The following MCCC2 variants were observed in gnomAD, a reference collection of about 807,000 sequenced individuals.
MCCC2 encodes methylcrotonoyl-CoA carboxylase beta chain, mitochondrial.
A neutral mutation model predicts 77.2 loss-of-function variants in MCCC2; 52 were observed. That is an observed-to-expected ratio of 0.67 (90% CI 0.54 to 0.85). The LOEUF is 0.85. Among genes scored for constraint, MCCC2 ranks in the 40% least tolerant of loss-of-function variants. MCCC2 has a pLI of 0.00. For missense variants in MCCC2, 682 were observed against 703.2 expected, an observed-to-expected ratio of 0.97 and a Z score of 0.34; for synonymous variants, 253 against 248.4, an observed-to-expected ratio of 1.02 and a Z score of -0.18.
intron 6 of MCCC2, among the ~76,000 whole-genome samples, chr5:71,607,709 C>T (rs1351575050): frequency 6.7e-6 from 1 of 149,422 alleles, no homozygotes; most frequent in Non-Finnish European, 1.5e-5. Flanking sequence ...CTCTTGTGGG[C>T]ATTTAGTGCT....
intron 12 of MCCC2, among the ~76,000 whole-genome samples, chr5:71,644,879 G>T (rs1747235514): frequency 6.6e-6 from 1 of 151,914 alleles, no homozygotes; most frequent in Non-Finnish European, 1.5e-5. Flanking sequence ...ATGAGAACAA[G>T]AAATTAAAAG....
chr5:71,612,056 G>A (rs772411574), intron 6 of MCCC2, among the ~76,000 whole-genome samples: 11 of 151,920 alleles, frequency 7.2e-5, no homozygotes, highest in African/African-American at 1.7e-4. Context: ...CGCCCGCCTC[G>A]GCCTCCCAAA....
chr5:71,602,614 G>A lies in MCCC2; in HGVS notation c.492G>A (p.Arg164=). ...CCCAAGAAATTGCCATGCAAAACAGGCTCCCCTGCATCTACTTAGGCAAGT... is the reference window on the plus strand; with the variant it reads ...CCCAAGAAATTGCCATGCAAAACAGACTCCCCTGCATCTACTTAGGCAAGT... ...LRAQEIAMQN[R]LPCIYLVDSG... The change falls in exon 5 of 17, where the codon AGG becomes AGA. Residue 164 remains arginine, a synonymous_variant. Transcript: ENST00000340941. 1 of 1,614,104 alleles carries A rather than the reference G, an allele frequency of 6.2e-7. No individual in the cohort carries two copies. The highest frequency in any genetic ancestry group is 1.3e-5 in the African/African-American group (1 of 75,012).
intron 2 of MCCC2, among the ~76,000 whole-genome samples, chr5:71,593,585 C>T (rs466788): frequency 0.039 from 5,870 of 149,724 alleles, 156 homozygotes; most frequent in Middle Eastern, 0.06. Flanking sequence ...GAGATGGGTT[C>T]TTGCTCTATT....
At chr5:71,596,117 A>T (rs988500007) in intron 2 of MCCC2, among the ~76,000 whole-genome samples, 163 bp from the exon 3 acceptor site, 2 of 152,156 alleles carry the variant, frequency 1.3e-5, no homozygotes, top group Non-Finnish European at 2.9e-5. Context: ...TACTTCAGAA[A>T]ATTGGCAACT....
chr5:71,617,937 T>C (rs1035498345), intron 6 of MCCC2, among the ~76,000 whole-genome samples: 5 of 152,250 alleles, frequency 3.3e-5, no homozygotes, highest in African/African-American at 1.2e-4. Context: ...GGAGAAAAGA[T>C]AGTTAAACTA....
chr5:71,595,501 A>C (rs1464879026), intron 2 of MCCC2, among the ~76,000 whole-genome samples: 2 of 152,190 alleles, frequency 1.3e-5, no homozygotes, highest in African/African-American at 4.8e-5. Flanking sequence ...AAACAAAGAA[A>C]TAGCTTTCTG....
chr5:71,637,156 TC>T (rs1163761808), intron 10 of MCCC2, among the ~76,000 whole-genome samples: 3 of 152,170 alleles, frequency 2.0e-5, no homozygotes, highest in African/African-American at 7.2e-5. Flanking sequence ...CCCCCCTTCT[TC>T]CTAAGAAATT....
rs1287935396 is a variant in MCCC2, at chr5:71,649,097, G to A, written c.1217G>A (p.Gly406Glu). The change falls in exon 14 of 17, where the codon GGA becomes GAA. Residue 406 changes from glycine to glutamate, a missense_variant and splice_region_variant. Gly to Glu is a moderately conservative substitution (Grantham distance 98). Transcript: ENST00000340941. ...GCTCTCTTTCTGATCTTTCTCTCAG[G>A]ATTTATGGTTGGTAGAGAGTATGAA... ...IPLLFLQNIT[G>E]FMVGREYEAE... 1 of 1,614,228 alleles carries A rather than the reference G, an allele frequency of 6.2e-7. No individual in the cohort carries two copies. Among genetic ancestry groups the A allele is most frequent in the Non-Finnish European group, 8.5e-7 (1 of 1,180,040 alleles).
At chr5:71,627,968 C>T (rs1746587381) in intron 7 of MCCC2, among the ~76,000 whole-genome samples, 1 of 152,152 alleles carries the variant, frequency 6.6e-6, no homozygotes, top group Non-Finnish European at 1.5e-5. Flanking sequence ...CTCAGCCTCC[C>T]AAGTAGCTGG....
chr5:71,615,817 G>A (rs1450881406), intron 6 of MCCC2, among the ~76,000 whole-genome samples: 1 of 152,058 alleles, frequency 6.6e-6, no homozygotes, highest in Non-Finnish European at 1.5e-5. Context: ...CCCCATTCTT[G>A]TCACAGAGCT....
chr5:71,655,935 C>T (rs1181774838), intron 16 of MCCC2, among the ~76,000 whole-genome samples: 1 of 152,122 alleles, frequency 6.6e-6, no homozygotes, highest in Non-Finnish European at 1.5e-5. Flanking sequence ...CTGAAGCTGG[C>T]CGGGTGTGGT....
In MCCC2 at chr5:71,657,035, C is replaced by G; in HGVS notation, c.*175C>G. 3.6e-6 allele frequency: 2 copies of G among 561,240 alleles called. No individual in the cohort carries two copies. The highest frequency in any genetic ancestry group is 3.2e-6 in the Non-Finnish European group (1 of 314,656). The allele number at this position is 561,240 out of a possible 1,614,324, so 34.8% of individuals were successfully genotyped here. A position where few individuals can be genotyped will look rare whatever the true frequency, so the allele number is the denominator to read the frequency against. On this transcript the variant is annotated 3_prime_UTR_variant, in exon 17 of 17. Coordinates refer to ENST00000340941, the MANE Select transcript of MCCC2 (RefSeq NM_022132.5). ...GATATTTATTTAATGAACATCAATT[C>G]CTTTTAAATTTTCTTAGAGAAATTT...
In MCCC2 at chr5:71,610,995, A is replaced by G. The variant is rs373191781; in HGVS notation, c.624+6527A>G. ...GTGAGACTCCGTCTCAAACAAACAA[A>G]GAACAGGTTTTTAAAAGGAAAACAG... On this transcript the variant is annotated intron_variant, in intron 6 of 16. Transcript: ENST00000340941. Among the ~76,000 whole-genome samples, 15 of 152,210 alleles carry G rather than the reference A, an allele frequency of 9.9e-5. 1 individual carries two copies. Among genetic ancestry groups the G allele is most frequent in the African/African-American group, 3.6e-4 (15 of 41,564 alleles).
intron 3 of MCCC2, among the ~76,000 whole-genome samples, chr5:71,597,712 T>C (rs1421417462): frequency 6.6e-6 from 1 of 152,234 alleles, no homozygotes; most frequent in Non-Finnish European, 1.5e-5. Flanking sequence ...GAGACAGCAC[T>C]GTTAACACCT....
intron 16 of MCCC2, among the ~76,000 whole-genome samples, chr5:71,655,696 T>C (rs1335963567): frequency 6.6e-6 from 1 of 152,202 alleles, no homozygotes; most frequent in African/African-American, 2.4e-5. Flanking sequence ...CAGGTTCAGA[T>C]ACCGAAGGGA....
intron 6 of MCCC2, among the ~76,000 whole-genome samples, chr5:71,607,677 A>C (rs1408715647): frequency 3.4e-5 from 5 of 146,974 alleles, no homozygotes; most frequent in African/African-American, 1.3e-4. Context: ...TTAGGGTGTC[A>C]ATTTTGGATC....
At chr5:71,634,552 TG>T (rs1246290575) in intron 8 of MCCC2, among the ~76,000 whole-genome samples, 1 of 152,240 alleles carries the variant, frequency 6.6e-6, no homozygotes, top group East Asian at 1.9e-4. Flanking sequence ...CGTCTGTGGT[TG>T]GCCTTCATCA....
Position 71,626,724 on chromosome 5 carries a change from G to A in MCCC2, c.709G>A (p.Gly237Ser), listed in dbSNP as rs781559418. The A allele has an allele frequency of 3.1e-6, 5 of 1,613,948 alleles. No individual in the cohort carries two copies. Among genetic ancestry groups the A allele is most frequent in the Non-Finnish European group, 4.2e-6 (5 of 1,180,024 alleles). The change falls in exon 7 of 17, where the codon GGT becomes AGT. Residue 237 changes from glycine to serine, a missense_variant. Gly to Ser is a moderately conservative substitution (Grantham distance 56, BLOSUM62 0). Coordinates refer to ENST00000340941, the MANE Select transcript of MCCC2 (RefSeq NM_022132.5). ...TGAAAACATCATTGTACGCAAGCAG[G>A]GTACCATTTTCTTGGCAGGACCCCC... ...ADENIIVRKQ[G>S]TIFLAGPPLV...
Sources: gnomAD v4.1 joint callset for allele counts (sites outside exome capture counted in the v4.1 genomes callset) on GRCh38, gnomAD v4.1.1 for gene constraint, MANE v1.5 for transcripts, NCBI Gene and HGNC (gene_info 2026-07-23, HGNC 2026-07-21) for gene names.